The following BORCS5 variants were observed in gnomAD, a reference collection of about 807,000 sequenced individuals.
BORCS5 encodes the protein BLOC-1 related complex subunit 5.
A neutral mutation model predicts 22.1 loss-of-function variants in BORCS5; 17 were observed. The ratio of observed to expected loss-of-function variants is 0.77; its 90% confidence interval spans 0.53 to 1.15. The LOEUF is 1.15. BORCS5 is among the 50% of genes most tolerant of loss of function. The probability of loss-of-function intolerance (pLI) is 0.00; values close to 1 mark genes in which losing one functional copy is unlikely to be tolerated. For missense variants in BORCS5, 247 were observed against 253.2 expected (o/e 0.98, Z 0.17); for synonymous variants, 117 against 99.8 (o/e 1.17, Z -1.03).
chr12:12,437,206 G>C (rs1214081495), intron 3 of BORCS5, among the ~76,000 whole-genome samples: 1 of 152,190 alleles, frequency 6.6e-6, no homozygotes, highest in East Asian at 1.9e-4. Context: ...CTGTTCGCAT[G>C]ATAGTGAATA....
intron 2 of BORCS5, among the ~76,000 whole-genome samples, chr12:12,418,545 G>GGT: frequency 6.6e-6 from 1 of 152,122 alleles, no homozygotes; most frequent in Non-Finnish European, 1.5e-5. Flanking sequence ...AAATTAGCCA[G>GGT]GTGTGATAGC....
At chr12:12,361,056 T>C (rs1863272897) in intron 1 of BORCS5, 150 bp from the exon 2 acceptor site, 7 of 702,132 alleles carry the variant, frequency 1.0e-5, no homozygotes, top group Non-Finnish European at 1.2e-5. Context: ...TAGAAAACAG[T>C]TTCTATAATT....
At chr12:12,436,032 A>G (rs1942548395) in intron 3 of BORCS5, 6 of 426,430 alleles carry the variant, frequency 1.4e-5, no homozygotes, top group Non-Finnish European at 2.1e-5. Context: ...CATGTGAAAA[A>G]TGGGGCTAAT....
chr12:12,389,664 G>C (rs895332760), intron 2 of BORCS5, among the ~76,000 whole-genome samples: 3 of 151,496 alleles, frequency 2.0e-5, no homozygotes, highest in African/African-American at 7.3e-5. Flanking sequence ...TATTTTTTGA[G>C]ACAGAGTCTC....
intron 2 of BORCS5, among the ~76,000 whole-genome samples, chr12:12,411,503 A>C (rs1941731365): frequency 6.6e-6 from 1 of 152,136 alleles, no homozygotes; most frequent in African/African-American, 2.4e-5. Context: ...CATGTATATA[A>C]TAAATGTATA....
At position 12,357,347 on chromosome 12, in the gene BORCS5, C is replaced by T. The variant is rs1863163714; in HGVS notation, c.-105C>T. ...TTAGCCTCGCTGCGGCGCCCAGACTCTGCTTTGCCTCCCCGTCCCGGTCCC... is the reference window on the plus strand; with the variant it reads ...TTAGCCTCGCTGCGGCGCCCAGACTTTGCTTTGCCTCCCCGTCCCGGTCCC... On this transcript the variant is annotated 5_prime_UTR_variant, in exon 1 of 4. Transcript: ENST00000314565. The T allele has an allele frequency of 6.7e-7, 1 of 1,497,702 alleles. No homozygotes were observed. The highest frequency in any genetic ancestry group is 9.0e-7 in the Non-Finnish European group (1 of 1,117,144). The allele number at this position is 1,497,702 out of a possible 1,614,324, so 92.8% of individuals were successfully genotyped here.
intron 3 of BORCS5, among the ~76,000 whole-genome samples, chr12:12,448,620 C>T (rs1227725478): frequency 4.7e-5 from 7 of 150,220 alleles, no homozygotes; most frequent in African/African-American, 1.7e-4. Flanking sequence ...CCTTTGCCTT[C>T]TGGTTTCAAG....
chr12:12,444,487 C>G (rs915495487), intron 3 of BORCS5, among the ~76,000 whole-genome samples: 4 of 152,176 alleles, frequency 2.6e-5, no homozygotes, highest in Non-Finnish European at 5.9e-5. Flanking sequence ...ACGGGCCAAA[C>G]CTATGAGTGT....
chr12:12,415,276 C>T (rs1469522052), intron 2 of BORCS5, among the ~76,000 whole-genome samples: 19 of 150,512 alleles, frequency 1.3e-4, no homozygotes, highest in African/African-American at 4.6e-4. Flanking sequence ...ACTGAGTGAA[C>T]GAGACTCCGT....
chr12:12,376,323 T>C (rs989130668), intron 2 of BORCS5, among the ~76,000 whole-genome samples: 1 of 150,978 alleles, frequency 6.6e-6, no homozygotes, highest in Non-Finnish European at 1.5e-5. Context: ...AAGCTCTGCC[T>C]CCTGGGTTCA....
chr12:12,470,012 G>C lies in BORCS5; in HGVS notation c.*4236G>C, dbSNP rs1181518672. Among the ~76,000 whole-genome samples, 1 of 152,204 alleles carries C rather than the reference G, an allele frequency of 6.6e-6. No individual in the cohort carries two copies. Among genetic ancestry groups the C allele is most frequent in the Admixed American group, 6.5e-5 (1 of 15,282 alleles). Reference sequence around the variant, plus strand: ...AGACTGGTACCCATCTGTGGCGTGTGAGGAAGTGTGCTGCACAGCAGGAGG... The same window carrying C: ...AGACTGGTACCCATCTGTGGCGTGTCAGGAAGTGTGCTGCACAGCAGGAGG... On this transcript the variant is annotated 3_prime_UTR_variant, in exon 4 of 4. Transcript: ENST00000314565.
intron 3 of BORCS5, among the ~76,000 whole-genome samples, chr12:12,449,947 A>G (rs180849885): frequency 2.0e-4 from 30 of 152,272 alleles, no homozygotes; most frequent in African/African-American, 6.7e-4. Flanking sequence ...GGACGTGGAG[A>G]TGTCTGATTG....
chr12:12,368,001 T>C (rs1863439989), intron 2 of BORCS5, among the ~76,000 whole-genome samples: 1 of 152,250 alleles, frequency 6.6e-6, no homozygotes, highest in Admixed American at 6.5e-5. Context: ...TTCTCATTTC[T>C]GCTGCCAAAC....
chr12:12,357,152 G>T lies in BORCS5; in HGVS notation c.-300G>T, dbSNP rs1437604729. ...AAGCGGCGCCGCCCGCCGGCCGCAG[G>T]TGCGGCAAAGCCAGTGTCATCTGCC... On this transcript the variant is annotated 5_prime_UTR_variant, in exon 1 of 4. Transcript: ENST00000314565. 1 of 1,533,152 alleles carries T rather than the reference G, an allele frequency of 6.5e-7. No homozygotes were observed. The highest frequency in any genetic ancestry group is 8.7e-7 in the Non-Finnish European group (1 of 1,145,764). The allele number at this position is 1,533,152 out of a possible 1,614,324, so 95.0% of individuals were successfully genotyped here.
intron 2 of BORCS5, among the ~76,000 whole-genome samples, chr12:12,371,469 T>C (rs1167254801): frequency 6.6e-6 from 1 of 152,138 alleles, no homozygotes; most frequent in Non-Finnish European, 1.5e-5. Context: ...TCTTTTTGTA[T>C]TTTTTGTAGA....
chr12:12,422,825 T>G (rs983877514), intron 2 of BORCS5, among the ~76,000 whole-genome samples: 9 of 152,054 alleles, frequency 5.9e-5, no homozygotes, highest in Admixed American at 4.6e-4. Flanking sequence ...AAACAAAATA[T>G]GGAGTTATAA....
chr12:12,447,154 T>C (rs929962497), intron 3 of BORCS5, among the ~76,000 whole-genome samples: 1 of 152,204 alleles, frequency 6.6e-6, no homozygotes, highest in African/African-American at 2.4e-5. Flanking sequence ...CCATCAGATA[T>C]TGTAATAGTC....
intron 3 of BORCS5, among the ~76,000 whole-genome samples, chr12:12,448,527 C>CTTTTTTTTTTTTTTTTTTT: frequency 7.0e-6 from 1 of 142,406 alleles, no homozygotes; most frequent in Non-Finnish European, 1.5e-5. Flanking sequence ...GTCTTCAATT[C>CTTTTTTTTTTTTTTTTTTT]TTTTTTTTTT....
At chr12:12,413,467 C>T (rs1941799836) in intron 2 of BORCS5, among the ~76,000 whole-genome samples, 1 of 150,052 alleles carries the variant, frequency 6.7e-6, no homozygotes, top group Admixed American at 6.6e-5. Flanking sequence ...TGAAAAGTCT[C>T]CCATGTCTAC....
Sources: allele counts gnomAD v4.1 joint callset (sites outside exome capture counted in the v4.1 genomes callset), GRCh38; gene constraint gnomAD v4.1.1; transcripts MANE v1.5; gene names NCBI Gene and HGNC (gene_info 2026-07-23, HGNC 2026-07-21).